The following TENM3 variants were observed in gnomAD, a reference collection of about 807,000 sequenced individuals.
The protein encoded by TENM3 is teneurin-3.
Under a neutral mutation model 255.1 loss-of-function variants are expected in TENM3, and 63 were observed. The ratio of observed to expected loss-of-function variants is 0.25; its 90% CI spans 0.20 to 0.30. The LOEUF (loss-of-function observed/expected upper bound fraction) is 0.30. Ranked by LOEUF, TENM3 falls within the 10% of genes least tolerant of loss-of-function variation. The pLI, the probability that TENM3 is intolerant of heterozygous loss-of-function variation, is 1.00. For missense variants in TENM3, 2,929 were observed against 3,461.1 expected (o/e 0.85, Z 3.86); for synonymous variants, 1,306 against 1,322.3 (o/e 0.99, Z 0.27).
At chr4:182,237,370 G>GTTTTTTT (rs1554036264) in intron 1 of TENM3, among the ~76,000 whole-genome samples, 2 of 101,686 alleles carry the variant, frequency 2.0e-5, no homozygotes, top group African/African-American at 5.2e-5. Flanking sequence ...CAGACATTCT[G>GTTTTTTT]TTTTCTTTTT....
the TENM3 span, among the ~76,000 whole-genome samples, chr4:182,128,617 T>A: frequency 2.0e-5 from 3 of 152,230 alleles, no homozygotes; most frequent in African/African-American, 7.2e-5. Flanking sequence ...TTACTGTTCT[T>A]TTCTTCGTGT....
chr4:182,170,158 A>G (rs1752003880), intron 1 of TENM3, among the ~76,000 whole-genome samples: 1 of 151,772 alleles, frequency 6.6e-6, no homozygotes, highest in South Asian at 2.1e-4. Context: ...TCATTCCTTT[A>G]AGATAGCATA....
At chr4:181,996,558 G>GGGAGCACTTGT in the TENM3 span, among the ~76,000 whole-genome samples, 1 of 152,154 alleles carries the variant, frequency 6.6e-6, no homozygotes, top group Non-Finnish European at 1.5e-5. Flanking sequence ...TGGTTGCCAG[G>GGGAGCACTTGT]GGAGCACTTT....
the TENM3 span, among the ~76,000 whole-genome samples, chr4:181,914,831 C>T: frequency 3.0e-3 from 460 of 152,176 alleles, 5 homozygotes; most frequent in Admixed American, 5.4e-3. Flanking sequence ...ACCAGGAGAC[C>T]GTGGACAGGA....
chr4:182,037,075 C>T, the TENM3 span, among the ~76,000 whole-genome samples: 2 of 151,810 alleles, frequency 1.3e-5, no homozygotes, highest in South Asian at 4.2e-4. Context: ...TAATGGAGTT[C>T]TATATAGATG....
At chr4:182,049,897 C>T in the TENM3 span, among the ~76,000 whole-genome samples, 1 of 151,958 alleles carries the variant, frequency 6.6e-6, no homozygotes, top group African/African-American at 2.4e-5. Context: ...ACATTAAAAC[C>T]CAGGCATTGG....
At chr4:181,881,016 A>G in the TENM3 span, among the ~76,000 whole-genome samples, 1 of 152,184 alleles carries the variant, frequency 6.6e-6, no homozygotes, top group Non-Finnish European at 1.5e-5. Context: ...TGTAATGAGA[A>G]TAACTCATTG....
At chr4:182,788,946 T>C (rs1301597854) in intron 24 of TENM3, 147 bp from the exon 25 acceptor site, 2 of 625,610 alleles carry the variant, frequency 3.2e-6, no homozygotes, top group Non-Finnish European at 5.3e-6. Flanking sequence ...GCAGTTAATC[T>C]ACTGCCTTGC....
intron 2 of TENM3, among the ~76,000 whole-genome samples, chr4:182,340,306 T>C (rs1446267866): frequency 6.6e-6 from 1 of 152,212 alleles, no homozygotes; most frequent in Non-Finnish European, 1.5e-5. Context: ...TGCAATGGCT[T>C]CCATTAGACT....
At chr4:181,734,297 A>G in the TENM3 span, among the ~76,000 whole-genome samples, 2 of 152,004 alleles carry the variant, frequency 1.3e-5, no homozygotes. Flanking sequence ...CAGGGTCCTC[A>G]TCTGTTTTGC....
the TENM3 span, among the ~76,000 whole-genome samples, chr4:181,709,775 G>A: frequency 2.8e-3 from 423 of 152,330 alleles, 1 homozygote; most frequent in African/African-American, 9.1e-3. Flanking sequence ...AGATAAGGTG[G>A]AAAGTGGTTA....
chr4:181,916,134 C>G, the TENM3 span, among the ~76,000 whole-genome samples: 1 of 145,422 alleles, frequency 6.9e-6, no homozygotes, highest in Non-Finnish European at 1.5e-5. Flanking sequence ...CTAAAAGACT[C>G]TCTCCCCTTC....
chr4:182,662,845 G>C (rs1258954613), intron 6 of TENM3, among the ~76,000 whole-genome samples: 1 of 152,144 alleles, frequency 6.6e-6, no homozygotes, highest in Non-Finnish European at 1.5e-5. Context: ...AAGAGCATTT[G>C]AAAATGCTAA....
the TENM3 span, among the ~76,000 whole-genome samples, chr4:181,829,523 A>T: frequency 3.3e-5 from 5 of 152,070 alleles, no homozygotes; most frequent in Non-Finnish European, 7.4e-5. Context: ...CCTAAAGTTG[A>T]TCAGGTTTAG....
chr4:182,575,972 T>C (rs1744870720), intron 3 of TENM3, among the ~76,000 whole-genome samples: 1 of 152,226 alleles, frequency 6.6e-6, no homozygotes, highest in Non-Finnish European at 1.5e-5. Context: ...GAATTTAGGT[T>C]GTATTCAGTT....
chr4:182,166,657 A>G (rs1013589476), intron 1 of TENM3, among the ~76,000 whole-genome samples: 6 of 151,942 alleles, frequency 3.9e-5, no homozygotes, highest in Non-Finnish European at 5.9e-5. Flanking sequence ...TTTGTGACAG[A>G]GTCTTGCTCT....
intron 3 of TENM3, among the ~76,000 whole-genome samples, chr4:182,383,368 GCCTAGT>G (rs1767697469): frequency 6.6e-6 from 1 of 152,132 alleles, no homozygotes; most frequent in African/African-American, 2.4e-5. Flanking sequence ...GAAGGTGGAG[GCCTAGT>G]CAAACAGAGC....
Position 182,680,560 on chromosome 4 carries a change from T to C in TENM3, c.1657T>C (p.Cys553Arg). The C allele has an allele frequency of 6.2e-7, 1 of 1,613,606 alleles. No homozygotes were observed. The highest frequency in any genetic ancestry group is 8.5e-7 in the Non-Finnish European group (1 of 1,179,808). ...TTTCACAGCCGCCTGTCCAGTGTTA[T>C]GTAGTGGCAACGGGCAGTACTCCAA... ...DCSRAACPVL[C>R]SGNGQYSKGR... Residue 553 changes from cysteine to arginine, a missense_variant, in exon 10 of 28, where the codon TGT becomes CGT. Cys to Arg is a radical substitution (Grantham distance 180). Coordinates refer to ENST00000511685, the MANE Select transcript of TENM3 (RefSeq NM_001080477.4).
intron 22 of TENM3, among the ~76,000 whole-genome samples, chr4:182,770,835 A>G (rs1056462839): frequency 6.6e-6 from 1 of 152,202 alleles, no homozygotes; most frequent in Non-Finnish European, 1.5e-5. Flanking sequence ...CGGGTTAGAT[A>G]GGAGCTCTGA....
Sources: allele counts gnomAD v4.1 joint callset (sites outside exome capture counted in the v4.1 genomes callset), GRCh38; gene constraint gnomAD v4.1.1; transcripts MANE v1.5; gene names NCBI Gene and HGNC (gene_info 2026-07-23, HGNC 2026-07-21).